Variants in ST6GALNAC3 observed in about 807,000 individuals in gnomAD.
ST6GALNAC3 encodes alpha-N-acetylgalactosaminide alpha-2,6-sialyltransferase 3.
In ST6GALNAC3, 25 loss-of-function variants were observed where a neutral mutation model predicts 32.7. That is an observed-to-expected ratio of 0.76 (90% CI 0.56 to 1.07). The LOEUF (loss-of-function observed/expected upper bound fraction) is 1.07. ST6GALNAC3 is among the 50% of genes least tolerant of loss of function. The pLI is 0.00. For missense variants in ST6GALNAC3, 355 were observed against 382.4 expected (o/e 0.93, Z 0.60); for synonymous variants, 129 against 133.1 (o/e 0.97, Z 0.21).
intron 3 of ST6GALNAC3, among the ~76,000 whole-genome samples, chr1:76,512,304 C>T (rs945588086): frequency 2.0e-5 from 3 of 152,090 alleles, no homozygotes; most frequent in African/African-American, 7.2e-5. Context: ...GAGTCTGTTC[C>T]TTTTTCTATG....
At chr1:76,428,518 G>T (rs1266043210) in intron 3 of ST6GALNAC3, among the ~76,000 whole-genome samples, 1 of 151,878 alleles carries the variant, frequency 6.6e-6, no homozygotes, top group Non-Finnish European at 1.5e-5. Context: ...TTGTAGTTTT[G>T]TTGTTCTTTC....
chr1:76,306,362 C>A lies in ST6GALNAC3; in HGVS notation c.19-7443C>A, dbSNP rs544665632. 1.6e-4 allele frequency among the ~76,000 whole-genome samples: 24 copies of A among 152,138 alleles called. 2 individuals are homozygous for A. Among genetic ancestry groups the A allele is most frequent in the African/African-American group, 4.3e-4 (18 of 41,532 alleles). ...GGTATGTCTTCCTCTTTCAGCTCCA[C>A]AATCCAATGACCCTTTTGTTCAACA... is the stretch of plus-strand genomic sequence containing the variant. On this transcript the variant is annotated intron_variant, in intron 1 of 4. Coordinates refer to ENST00000328299, the MANE Select transcript of ST6GALNAC3 (RefSeq NM_152996.4).
chr1:76,616,318 AT>A (rs1296141325), intron 3 of ST6GALNAC3, among the ~76,000 whole-genome samples: 1 of 152,144 alleles, frequency 6.6e-6, no homozygotes, highest in Admixed American at 6.5e-5. Flanking sequence ...AGAAAAACAG[AT>A]TTTTTTAGAA....
At chr1:76,459,338 G>A (rs914450291) in intron 3 of ST6GALNAC3, among the ~76,000 whole-genome samples, 1 of 152,200 alleles carries the variant, frequency 6.6e-6, no homozygotes, top group African/African-American at 2.4e-5. Flanking sequence ...GCCAAGGCAG[G>A]CGGATCATGA....
At chr1:76,249,275 A>G (rs1657479707) in intron 1 of ST6GALNAC3, among the ~76,000 whole-genome samples, 1 of 152,120 alleles carries the variant, frequency 6.6e-6, no homozygotes, top group African/African-American at 2.4e-5. Context: ...TCTCCCAGAA[A>G]CTGCCAATCT....
At chr1:76,518,306 C>T (rs1570057221) in intron 3 of ST6GALNAC3, among the ~76,000 whole-genome samples, 2 of 152,028 alleles carry the variant, frequency 1.3e-5, no homozygotes, top group South Asian at 4.2e-4. Context: ...ATGTCATTTT[C>T]ATGTAATTAT....
intron 1 of ST6GALNAC3, among the ~76,000 whole-genome samples, chr1:76,308,429 G>C (rs1661198150): frequency 6.6e-6 from 1 of 152,050 alleles, no homozygotes; most frequent in African/African-American, 2.4e-5. Context: ...TGAAAAATTT[G>C]TTGAGCCGAG....
intron 1 of ST6GALNAC3, among the ~76,000 whole-genome samples, chr1:76,224,024 T>G (rs2100613903): frequency 6.6e-6 from 1 of 152,256 alleles, no homozygotes; most frequent in Non-Finnish European, 1.5e-5. Context: ...AATAAACCCG[T>G]CTAGCTTTAC....
intron 1 of ST6GALNAC3, among the ~76,000 whole-genome samples, chr1:76,271,181 A>G (rs1267048106): frequency 6.6e-6 from 1 of 152,138 alleles, no homozygotes; most frequent in Non-Finnish European, 1.5e-5. Flanking sequence ...TGCTTATTAC[A>G]TAAAAGTCTC....
At chr1:76,560,005 A>G (rs937294000) in intron 3 of ST6GALNAC3, among the ~76,000 whole-genome samples, 2 of 152,204 alleles carry the variant, frequency 1.3e-5, no homozygotes, top group Non-Finnish European at 2.9e-5. Flanking sequence ...CCAATAAAGC[A>G]TAGAGAACCC....
intron 3 of ST6GALNAC3, among the ~76,000 whole-genome samples, chr1:76,497,543 G>A (rs1026928020): frequency 3.9e-5 from 6 of 152,186 alleles, no homozygotes; most frequent in Admixed American, 3.9e-4. Context: ...GCTCAACCTA[G>A]TATTTAGAAA....
rs534417870 is a variant in ST6GALNAC3, at chr1:76,253,788, TCTGA to T, written c.19-60014_19-60011del. Among the ~76,000 whole-genome samples, 422 of 152,248 alleles carry T rather than the reference TCTGA, an allele frequency of 2.8e-3. 1 individual carries two copies. The highest frequency in any genetic ancestry group is 4.8e-3 in the South Asian group (23 of 4,832). ...ACAGGTGGCCCTCTTTGCAGAGCAT[TCTGA>T]CTTTCTTAGTTTCCAATATTCTAGC... is the stretch of plus-strand genomic sequence containing the variant. On this transcript the variant is annotated intron_variant, in intron 1 of 4. Coordinates refer to ENST00000328299, the MANE Select transcript of ST6GALNAC3 (RefSeq NM_152996.4).
intron 3 of ST6GALNAC3, among the ~76,000 whole-genome samples, chr1:76,431,005 G>C (rs1223771277): frequency 6.6e-6 from 1 of 152,048 alleles, no homozygotes; most frequent in African/African-American, 2.4e-5. Context: ...GACCTTTTTG[G>C]GAAAGTATTA....
chr1:76,136,460 C>G (rs1339800683), intron 1 of ST6GALNAC3, among the ~76,000 whole-genome samples: 2 of 151,930 alleles, frequency 1.3e-5, no homozygotes, highest in Non-Finnish European at 2.9e-5. Flanking sequence ...TAAGTGGCGT[C>G]TTCTGTGATT....
intron 3 of ST6GALNAC3, among the ~76,000 whole-genome samples, chr1:76,568,193 A>T (rs949816275): frequency 3.9e-5 from 6 of 152,088 alleles, no homozygotes; most frequent in Non-Finnish European, 7.4e-5. Context: ...GTACTATTAC[A>T]CCCTATTTGT....
chr1:76,602,345 G>A (rs148237025), intron 3 of ST6GALNAC3, among the ~76,000 whole-genome samples: 5 of 152,150 alleles, frequency 3.3e-5, no homozygotes, highest in South Asian at 2.1e-4. Context: ...GTGCATGTGC[G>A]TGTGCCTGTG....
chr1:76,077,664 T>A (rs1226006722), intron 1 of ST6GALNAC3, among the ~76,000 whole-genome samples: 1 of 152,148 alleles, frequency 6.6e-6, no homozygotes, highest in African/African-American at 2.4e-5. Context: ...GAGATTTATT[T>A]TGGTGTTGAC....
At chr1:76,107,726 G>A (rs189552721) in intron 1 of ST6GALNAC3, among the ~76,000 whole-genome samples, 6 of 152,226 alleles carry the variant, frequency 3.9e-5, no homozygotes, top group African/African-American at 7.2e-5. Context: ...CACTATGGGC[G>A]ACCCATGTGT....
At chr1:76,502,345 A>C (rs1041751606) in intron 3 of ST6GALNAC3, among the ~76,000 whole-genome samples, 1 of 152,200 alleles carries the variant, frequency 6.6e-6, no homozygotes, top group Non-Finnish European at 1.5e-5. Context: ...CATTTGAATT[A>C]GTTTGCTAGG....
Sources: allele counts gnomAD v4.1 joint callset (sites outside exome capture counted in the v4.1 genomes callset), GRCh38; gene constraint gnomAD v4.1.1; transcripts MANE v1.5; gene names NCBI Gene and HGNC (gene_info 2026-07-23, HGNC 2026-07-21).